The following RPS6KA2 variants were observed in gnomAD, a reference collection of about 807,000 sequenced individuals.
The protein encoded by RPS6KA2 is ribosomal protein S6 kinase alpha-2.
RPS6KA2 carries 42 observed loss-of-function variants against 91.8 expected under a neutral mutation model. That is an observed-to-expected ratio of 0.46 (90% CI 0.36 to 0.59). RPS6KA2 has a LOEUF of 0.59. RPS6KA2 is among the 20% of genes least tolerant of loss of function. The pLI is 0.00. For missense variants in RPS6KA2, 798 were observed against 978.5 expected (o/e 0.82, Z 2.46); for synonymous variants, 414 against 393.6 (o/e 1.05, Z -0.61).
intron 2 of RPS6KA2, among the ~76,000 whole-genome samples, chr6:166,686,593 C>G (rs558397207): frequency 1.1e-4 from 16 of 152,318 alleles, no homozygotes; most frequent in African/African-American, 3.6e-4. Context: ...CTTTCCTTCT[C>G]TCTCTGCCCC....
intron 1 of RPS6KA2, among the ~76,000 whole-genome samples, chr6:166,555,390 A>T (rs1165140528): frequency 6.6e-6 from 1 of 152,200 alleles, no homozygotes; most frequent in African/African-American, 2.4e-5. Context: ...GATGTTTTTC[A>T]GACCCTGAAT....
intron 2 of RPS6KA2, chr6:166,701,718 G>A (rs185292197): frequency 5.1e-4 from 670 of 1,306,724 alleles, no homozygotes; most frequent in Non-Finnish European, 6.6e-4. Context: ...GACCCAAGGC[G>A]TTCAGATTTA....
chr6:166,464,902 C>T (rs999759254), intron 11 of RPS6KA2, among the ~76,000 whole-genome samples: 5 of 152,192 alleles, frequency 3.3e-5, no homozygotes, highest in African/African-American at 4.8e-5. Flanking sequence ...CTCCACCGTC[C>T]CCACACTTAC....
rs1253493092 is a variant in RPS6KA2, at chr6:166,433,792, T to G, written c.1333-1302A>C. ...TTTTTGGAGACAGGGTCTCACTCTG[T>G]TGCCTAGGTTGGAATACAGTGGTAC... On this transcript the variant is annotated intron_variant, in intron 14 of 20. Coordinates refer to ENST00000265678, the MANE Select transcript of RPS6KA2 (RefSeq NM_021135.6). The surrounding 1 kb of genome is among the most constrained non-coding windows in gnomAD (Gnocchi z 4.4). 6.6e-6 allele frequency among the ~76,000 whole-genome samples: 1 copy of G among 152,192 alleles called. No individual in the cohort carries two copies. Among genetic ancestry groups the G allele is most frequent in the Non-Finnish European group, 1.5e-5 (1 of 68,022 alleles).
At chr6:166,763,814 C>T (rs1389145248) in intron 2 of RPS6KA2, among the ~76,000 whole-genome samples, 3 of 152,176 alleles carry the variant, frequency 2.0e-5, no homozygotes, top group East Asian at 1.9e-4. Context: ...CAACTGCAAA[C>T]GATCCCAGCA....
intron 2 of RPS6KA2, among the ~76,000 whole-genome samples, chr6:166,745,653 A>G (rs1212613263): frequency 2.6e-5 from 4 of 152,148 alleles, no homozygotes; most frequent in Non-Finnish European, 5.9e-5. Context: ...CTGGGTTTCC[A>G]CCCAATATTC....
intron 2 of RPS6KA2, among the ~76,000 whole-genome samples, chr6:166,708,980 C>T (rs187961756): frequency 1.5e-4 from 23 of 152,260 alleles, no homozygotes; most frequent in Non-Finnish European, 2.6e-4. Context: ...AGTGACACAC[C>T]GCTCCGTGTT....
At chr6:166,691,972 G>A (rs761934995) in intron 2 of RPS6KA2, among the ~76,000 whole-genome samples, 16 of 152,158 alleles carry the variant, frequency 1.1e-4, no homozygotes, top group Admixed American at 5.9e-4. Context: ...GCTATTCCCC[G>A]TGTCCCAGGA....
intron 2 of RPS6KA2, among the ~76,000 whole-genome samples, chr6:166,753,221 T>A (rs1332227428): frequency 2.0e-5 from 3 of 152,138 alleles, no homozygotes. Context: ...GAGCACCCAG[T>A]AAAGAAGAAT....
intron 2 of RPS6KA2, among the ~76,000 whole-genome samples, chr6:166,832,116 G>A (rs1000902563): frequency 3.3e-5 from 5 of 152,178 alleles, no homozygotes; most frequent in African/African-American, 1.2e-4. Context: ...TTGGTTGCAT[G>A]TTATGACCGA....
intron 10 of RPS6KA2, among the ~76,000 whole-genome samples, chr6:166,481,607 A>T (rs1781217493): frequency 6.6e-6 from 1 of 152,160 alleles, no homozygotes; most frequent in African/African-American, 2.4e-5. Flanking sequence ...TATGTGCTGC[A>T]GAGTGGAGGC....
Position 166,413,740 on chromosome 6 carries a change from C to A in RPS6KA2, c.2076+54G>T, listed in dbSNP as rs532025297. ...CGGAGTGATTGCAAGGTATCAGGCT[C>A]TTTTCTGGGTTTCCCATTCCCACCA... On this transcript the variant is annotated intron_variant, in intron 20 of 20. Transcript: ENST00000265678. The A allele has an allele frequency of 1.5e-5, 24 of 1,594,438 alleles. No individual in the cohort carries two copies. The East Asian group carries it at 3.1e-4, about 21-fold the overall frequency.
intron 20 of RPS6KA2, among the ~76,000 whole-genome samples, chr6:166,413,358 T>G (rs972206289): frequency 1.3e-5 from 2 of 152,184 alleles, no homozygotes; most frequent in African/African-American, 4.8e-5. Context: ...ATTCTCAGAA[T>G]GGATCTGGAG....
intron 2 of RPS6KA2, among the ~76,000 whole-genome samples, chr6:166,636,343 T>C (rs989088235): frequency 6.6e-6 from 1 of 152,112 alleles, no homozygotes; most frequent in African/African-American, 2.4e-5. Flanking sequence ...AGCGCCTCCC[T>C]GCAGAGGCCT....
rs796423387 is a variant in RPS6KA2, at chr6:166,417,649, A to ACACG, written c.1938+572_1938+575dup. On this transcript the variant is annotated intron_variant, in intron 19 of 20. Coordinates refer to ENST00000265678, the MANE Select transcript of RPS6KA2 (RefSeq NM_021135.6). ...CACACACACACACACACACACACAC[A>ACACG]CACGCACGCATGTTCTGTTTGTTTC... Among the ~76,000 whole-genome samples the ACACG allele has an allele frequency of 4.1e-3, 607 of 147,982 alleles. 8 individuals carry two copies. Among genetic ancestry groups the ACACG allele is most frequent in the African/African-American group, 0.015 (589 of 39,092 alleles).
chr6:166,678,125 G>C (rs762824673), intron 2 of RPS6KA2, among the ~76,000 whole-genome samples: 1 of 152,150 alleles, frequency 6.6e-6, no homozygotes, highest in Non-Finnish European at 1.5e-5. Context: ...CCAACAGCCC[G>C]GCTCAAGAAC....
intron 2 of RPS6KA2, among the ~76,000 whole-genome samples, chr6:166,738,105 T>G (rs1315814097): frequency 1.3e-5 from 2 of 152,230 alleles, no homozygotes; most frequent in Non-Finnish European, 2.9e-5. Context: ...GGATATTTCT[T>G]CCCTATCAAT....
chr6:166,571,848 A>G (rs1361185939), intron 1 of RPS6KA2, among the ~76,000 whole-genome samples: 25 of 152,208 alleles, frequency 1.6e-4, no homozygotes, highest in Admixed American at 1.6e-3. Context: ...TAATCTTGAA[A>G]CAACTGACTT....
At chr6:166,742,194 C>A (rs936522716) in intron 2 of RPS6KA2, among the ~76,000 whole-genome samples, 1 of 152,150 alleles carries the variant, frequency 6.6e-6, no homozygotes. Flanking sequence ...ACCATTAACA[C>A]TGAAATAAAT....
Sources: allele counts gnomAD v4.1 joint callset (sites outside exome capture counted in the v4.1 genomes callset), GRCh38; gene constraint gnomAD v4.1.1; non-coding constraint Gnocchi (gnomAD v3.1); transcripts MANE v1.5; gene names NCBI Gene and HGNC (gene_info 2026-07-23, HGNC 2026-07-21).